ITSN1: variants seen among roughly 807,000 people sequenced by gnomAD.
The protein encoded by ITSN1 is intersectin-1.
ITSN1 carries 58 observed loss-of-function variants against 239.8 expected under a neutral mutation model. That is an observed-to-expected ratio of 0.24 (90% CI 0.20 to 0.30). The LOEUF is 0.30. Ranked by LOEUF, ITSN1 falls within the 10% of genes least tolerant of loss-of-function variation. ITSN1 has a pLI of 1.00. For missense variants in ITSN1, 1,558 were observed against 2,103.3 expected (o/e 0.74, Z 5.07); for synonymous variants, 780 against 770.8 (o/e 1.01, Z -0.20).
intron 1 of ITSN1, among the ~76,000 whole-genome samples, chr21:33,676,696 A>G (rs2090614520): frequency 1.3e-5 from 2 of 152,222 alleles, no homozygotes; most frequent in African/African-American, 2.4e-5. Context: ...ATTTAGGTAT[A>G]AAGTTGGAAA....
intron 33 of ITSN1, among the ~76,000 whole-genome samples, chr21:33,868,966 T>C (rs1347422221): frequency 7.0e-6 from 1 of 143,780 alleles, no homozygotes; most frequent in Admixed American, 6.6e-5. Context: ...ATTCTTTTTT[T>C]AATTTTTTTT....
At chr21:33,768,159 TAC>T (rs2068852526) in intron 11 of ITSN1, among the ~76,000 whole-genome samples, 1 of 152,250 alleles carries the variant, frequency 6.6e-6, no homozygotes, top group Non-Finnish European at 1.5e-5. Context: ...GATTGCTTAA[TAC>T]CACCAGTGCA....
chr21:33,729,962 T>C (rs1454675820), intron 4 of ITSN1, among the ~76,000 whole-genome samples: 2 of 152,232 alleles, frequency 1.3e-5, no homozygotes, highest in African/African-American at 4.8e-5. Context: ...AAGATTACTT[T>C]GTAGTTCCTT....
chr21:33,866,054 T>C (rs1247985734), intron 32 of ITSN1, among the ~76,000 whole-genome samples: 1 of 152,206 alleles, frequency 6.6e-6, no homozygotes, highest in Non-Finnish European at 1.5e-5. Context: ...TATCTTTTGA[T>C]GAATAAACAA....
intron 1 of ITSN1, among the ~76,000 whole-genome samples, chr21:33,648,689 A>G (rs1312180003): frequency 6.6e-6 from 1 of 152,104 alleles, no homozygotes; most frequent in African/African-American, 2.4e-5. Flanking sequence ...AAAATTTTTT[A>G]AAAAGTAGCC....
chr21:33,799,951 G>A (rs757001071), intron 19 of ITSN1, 22 bp downstream of exon 19: 21 of 1,606,272 alleles, frequency 1.3e-5, no homozygotes, highest in Non-Finnish European at 1.7e-5. Context: ...TCCAGTGAGA[G>A]GGTCATTTCT....
intron 1 of ITSN1, among the ~76,000 whole-genome samples, chr21:33,679,036 CAA>C (rs1039405037): frequency 3.3e-4 from 50 of 152,238 alleles, no homozygotes; most frequent in African/African-American, 1.2e-3. Context: ...AGTTCCTGTC[CAA>C]GAGTACTTTT....
chr21:33,787,135 G>T (rs1458461699), intron 16 of ITSN1, among the ~76,000 whole-genome samples: 2 of 152,172 alleles, frequency 1.3e-5, no homozygotes, highest in Non-Finnish European at 2.9e-5. Flanking sequence ...TGTGTATGGT[G>T]GTGTAAACTG....
intron 29 of ITSN1, among the ~76,000 whole-genome samples, chr21:33,848,476 G>C (rs893085994): frequency 1.3e-5 from 2 of 152,226 alleles, no homozygotes; most frequent in African/African-American, 4.8e-5. Flanking sequence ...CGCCTGAGCA[G>C]ATTAGCGCAC....
Position 33,831,094 on chromosome 21 carries a change from G to A in ITSN1, c.3351+1349G>A, listed in dbSNP as rs539644170. ...TTACTACTATAGCAGTTACTTGAGA[G>A]GTAAGCCAGCTGACTTTTCATACAG... On this transcript the variant is annotated intron_variant, in intron 27 of 39. Transcript: ENST00000381318. 4.6e-5 allele frequency among the ~76,000 whole-genome samples: 7 copies of A among 152,306 alleles called. No homozygotes were observed. In the South Asian group the frequency reaches 1.0e-3, roughly 23 times the overall value.
rs117123261 is a variant in ITSN1, at chr21:33,691,086, G to T, written c.-32-27711G>T. Among the ~76,000 whole-genome samples, 92 of 151,656 alleles carry T rather than the reference G, an allele frequency of 6.1e-4. 1 individual carries two copies. In the East Asian group the frequency reaches 0.018, roughly 30 times the overall value. ...TCAGTTTCTCTTCTCTGCTTCCTTT[G>T]TTCTTTGGCCTGCTCTGCGGTGTTG... On this transcript the variant is annotated intron_variant, in intron 1 of 39. Coordinates refer to ENST00000381318, the MANE Select transcript of ITSN1 (RefSeq NM_003024.3).
At chr21:33,760,852 C>T (rs2068266851) in intron 8 of ITSN1, among the ~76,000 whole-genome samples, 1 of 152,150 alleles carries the variant, frequency 6.6e-6, no homozygotes, top group South Asian at 2.1e-4. Context: ...TCTTGAGAGG[C>T]AGTGCTGGAA....
In ITSN1 at chr21:33,782,199, A is replaced by G. The variant is rs898197773; in HGVS notation, c.1824+66A>G. The stretch of plus-strand genomic sequence containing the variant: ...AATTTTTTTAACTGTCCAAATGATT[A>G]GTTGCTATTTAATCACAGGCAGAAA... On this transcript the variant is annotated intron_variant, in intron 16 of 39. Transcript: ENST00000381318. 17 of 1,476,456 alleles carry G rather than the reference A, an allele frequency of 1.2e-5. No individual in the cohort carries two copies. The African/African-American group carries it at 1.8e-4, about 16-fold the overall frequency. The allele number at this position is 1,476,456 out of a possible 1,614,324, so 91.5% of individuals were successfully genotyped here.
At chr21:33,779,599 AT>A (rs1464401590) in intron 14 of ITSN1, among the ~76,000 whole-genome samples, 1 of 152,140 alleles carries the variant, frequency 6.6e-6, no homozygotes, top group African/African-American at 2.4e-5. Context: ...GTCTTGACTG[AT>A]TTTGTGACTA....
At chr21:33,787,453 C>T (rs1473423947) in intron 16 of ITSN1, among the ~76,000 whole-genome samples, 1 of 152,170 alleles carries the variant, frequency 6.6e-6, no homozygotes. Flanking sequence ...TATAAATTCT[C>T]CCCATAATGC....
At chr21:33,723,370 T>C (rs2065616791) in intron 4 of ITSN1, among the ~76,000 whole-genome samples, 1 of 152,124 alleles carries the variant, frequency 6.6e-6, no homozygotes, top group Admixed American at 6.5e-5. Flanking sequence ...ATCCCAGCAC[T>C]TTGGGAGGCC....
At chr21:33,678,806 C>G (rs752462099) in intron 1 of ITSN1, among the ~76,000 whole-genome samples, 5 of 152,088 alleles carry the variant, frequency 3.3e-5, no homozygotes, top group African/African-American at 1.2e-4. Flanking sequence ...CTCTGCCTCC[C>G]GGGTTTAAGC....
At chr21:33,806,787 C>T (rs2072492199) in intron 20 of ITSN1, among the ~76,000 whole-genome samples, 1 of 152,182 alleles carries the variant, frequency 6.6e-6, no homozygotes, top group African/African-American at 2.4e-5. Flanking sequence ...ATAACATCTC[C>T]CTTATAGCCC....
chr21:33,867,962 G>A (rs1981942082), intron 33 of ITSN1, among the ~76,000 whole-genome samples: 4 of 152,270 alleles, frequency 2.6e-5, no homozygotes, highest in African/African-American at 4.8e-5. Context: ...GCAGACTTTC[G>A]CGGTGTTACA....
Sources: allele counts gnomAD v4.1 joint callset (sites outside exome capture counted in the v4.1 genomes callset), GRCh38; gene constraint gnomAD v4.1.1; transcripts MANE v1.5; gene names NCBI Gene and HGNC (gene_info 2026-07-23, HGNC 2026-07-21).